FRMD3: variants seen among roughly 807,000 people sequenced by gnomAD.
FRMD3 encodes the protein FERM domain containing 3.
In FRMD3, 33 loss-of-function variants were observed where a neutral mutation model predicts 70.2. The observed-to-expected ratio is 0.47, with a 90% confidence interval of 0.36 to 0.63. The LOEUF (loss-of-function observed/expected upper bound fraction) is 0.63. Among genes scored for constraint, FRMD3 ranks in the 20% least tolerant of loss-of-function variants. The pLI, the probability that FRMD3 is intolerant of heterozygous loss-of-function variation, is 0.00. For missense variants in FRMD3, 632 were observed against 711.4 expected (o/e 0.89, Z 1.27); for synonymous variants, 279 against 255.9 (o/e 1.09, Z -0.86).
intron 1 of FRMD3, among the ~76,000 whole-genome samples, chr9:83,413,181 T>C (rs1826328993): frequency 2.0e-5 from 3 of 152,256 alleles, no homozygotes; most frequent in East Asian, 1.9e-4. Flanking sequence ...TAACTGATCC[T>C]GTAAGTACAT....
At chr9:83,383,608 T>C (rs1046518492) in intron 2 of FRMD3, among the ~76,000 whole-genome samples, 6 of 152,220 alleles carry the variant, frequency 3.9e-5, no homozygotes, top group African/African-American at 1.4e-4. Flanking sequence ...GTGAGTACTT[T>C]ACTCTTCAAC....
chr9:83,542,832 A>G (rs907655896), upstream of FRMD3, among the ~76,000 whole-genome samples: 1 of 150,964 alleles, frequency 6.6e-6, no homozygotes, highest in Non-Finnish European at 1.5e-5. Context: ...ACAAAGAAGC[A>G]AAGTCAGTCC....
chr9:83,574,618 G>A, the FRMD3 span, among the ~76,000 whole-genome samples: 2 of 152,090 alleles, frequency 1.3e-5, no homozygotes, highest in African/African-American at 4.8e-5. Flanking sequence ...ATCTATTTAA[G>A]GACCTTGGTT....
the FRMD3 span, among the ~76,000 whole-genome samples, chr9:83,551,534 A>C: frequency 1.3e-5 from 2 of 152,078 alleles, no homozygotes; most frequent in Non-Finnish European, 2.9e-5. Flanking sequence ...TTTTTGGAAT[A>C]GTTTCTGTAG....
the FRMD3 span, among the ~76,000 whole-genome samples, chr9:83,560,110 A>G: frequency 6.6e-6 from 1 of 152,166 alleles, no homozygotes. Context: ...ATAAAATGTG[A>G]ATTGAATTAT....
intron 1 of FRMD3, among the ~76,000 whole-genome samples, chr9:83,451,389 TCACACA>T (rs10611241): frequency 0.31 from 45,262 of 147,424 alleles, 6,832 homozygotes; most frequent in Admixed American, 0.35. Context: ...AATACATACA[TCACACA>T]CACACACACA....
At position 83,299,492 on chromosome 9, in the gene FRMD3, T is replaced by C. The variant is rs555649183; in HGVS notation, c.927-306A>G. On this transcript the variant is annotated intron_variant, in intron 10 of 13. Coordinates refer to ENST00000304195, the MANE Select transcript of FRMD3 (RefSeq NM_174938.6). Reference sequence around the variant, plus strand: ...ACCTGCAAAAAGGACTGGGCAGTGATGATCAGAAGGAATTCTCCCCTAATT... The same window carrying C: ...ACCTGCAAAAAGGACTGGGCAGTGACGATCAGAAGGAATTCTCCCCTAATT... Among the ~76,000 whole-genome samples the C allele has an allele frequency of 4.6e-5, 7 of 152,352 alleles. No individual in the cohort carries two copies. The South Asian group carries it at 8.3e-4, about 18-fold the overall frequency.
intron 3 of FRMD3, among the ~76,000 whole-genome samples, chr9:83,355,627 G>A (rs548386818): frequency 6.6e-6 from 1 of 152,304 alleles, no homozygotes; most frequent in South Asian, 2.1e-4. Flanking sequence ...GTGTTTGGGT[G>A]GATCCAAATG....
the FRMD3 span, among the ~76,000 whole-genome samples, chr9:83,575,163 C>T: frequency 6.6e-6 from 1 of 152,002 alleles, no homozygotes; most frequent in African/African-American, 2.4e-5. Context: ...AGTCAAGATT[C>T]TATTAGTTGT....
Position 83,501,205 on chromosome 9 carries a change from A to G in FRMD3, c.147+36880T>C, listed in dbSNP as rs1033618978. Among the ~76,000 whole-genome samples, 3 of 152,246 alleles carry G rather than the reference A, an allele frequency of 2.0e-5. No individual in the cohort carries two copies. In the South Asian group the frequency reaches 6.2e-4, roughly 32 times the overall value. On this transcript the variant is annotated intron_variant, in intron 1 of 13. Coordinates refer to ENST00000304195, the MANE Select transcript of FRMD3 (RefSeq NM_174938.6). ...GCTACTCGGGAGGCTGAGGCAGGAG[A>G]ATGGCATGAACCCGGGAGGCGGAGC...
chr9:83,283,540 AAAAAAAAAT>A (rs200425487), intron 13 of FRMD3, among the ~76,000 whole-genome samples: 45,298 of 97,150 alleles, frequency 0.47, 8,455 homozygotes, highest in South Asian at 0.62. Context: ...CAAAAAAAAA[AAAAAAAAAT>A]AATAATAATA....
intron 3 of FRMD3, among the ~76,000 whole-genome samples, chr9:83,354,770 G>A (rs187150870): frequency 1.2e-3 from 182 of 152,234 alleles, no homozygotes; most frequent in Middle Eastern, 3.4e-3. Context: ...TGTGCTATGG[G>A]AAAGAATAAA....
At chr9:83,538,478 G>T, upstream of FRMD3, 1 of 341,532 alleles carries the variant, frequency 2.9e-6, no homozygotes, top group Admixed American at 4.8e-5. This position sits in a 1 kb window ranked among gnomAD's most constrained non-coding sequence, Gnocchi z 4.7. Flanking sequence ...GCGCGCGCTC[G>T]TGCGCCTCCC....
intron 1 of FRMD3, among the ~76,000 whole-genome samples, chr9:83,508,921 C>G (rs918913534): frequency 1.3e-5 from 2 of 152,130 alleles, no homozygotes; most frequent in Non-Finnish European, 2.9e-5. Flanking sequence ...AGCTTGCCAA[C>G]CCCTGCTCCA....
At chr9:83,331,505 G>A (rs1408599437) in intron 6 of FRMD3, among the ~76,000 whole-genome samples, 1 of 152,120 alleles carries the variant, frequency 6.6e-6, no homozygotes, top group Non-Finnish European at 1.5e-5. Flanking sequence ...TAATGGTATT[G>A]GTATTGCAAT....
chr9:83,526,119 G>C lies in FRMD3; in HGVS notation c.147+11966C>G, dbSNP rs559538150. ...GTACCCAAAATGGAACTCATTCTCT[G>C]TTCCCCCAACCTGCTTCTCCTCTAG... On this transcript the variant is annotated intron_variant, in intron 1 of 13. Coordinates refer to ENST00000304195, the MANE Select transcript of FRMD3 (RefSeq NM_174938.6). Among the ~76,000 whole-genome samples the C allele has an allele frequency of 2.8e-3, 422 of 152,288 alleles. 4 individuals carry two copies. Among genetic ancestry groups the C allele is most frequent in the African/African-American group, 9.6e-3 (401 of 41,558 alleles).
chr9:83,575,985 A>C, the FRMD3 span, among the ~76,000 whole-genome samples: 2 of 152,270 alleles, frequency 1.3e-5, no homozygotes, highest in African/African-American at 2.4e-5. Context: ...TTGGAAGGCC[A>C]AGGCGGGAGG....
intron 1 of FRMD3, among the ~76,000 whole-genome samples, chr9:83,403,674 AT>A (rs1481865631): frequency 1.3e-5 from 2 of 152,186 alleles, no homozygotes; most frequent in Non-Finnish European, 2.9e-5. Flanking sequence ...GACAGAGGCC[AT>A]AACAATAATA....
intron 1 of FRMD3, among the ~76,000 whole-genome samples, chr9:83,429,489 G>T (rs1826907714): frequency 6.6e-6 from 1 of 152,044 alleles, no homozygotes; most frequent in Admixed American, 6.6e-5. Flanking sequence ...CTTTCACTCT[G>T]ATATGCTCTT....
Sources: allele counts gnomAD v4.1 joint callset (sites outside exome capture counted in the v4.1 genomes callset), GRCh38; gene constraint gnomAD v4.1.1; non-coding constraint Gnocchi (gnomAD v3.1); transcripts MANE v1.5; gene names NCBI Gene and HGNC (gene_info 2026-07-23, HGNC 2026-07-21).